Variants in USP32 observed in about 807,000 individuals in gnomAD.
The protein encoded by USP32 is ubiquitin specific peptidase 32.
A neutral mutation model predicts 204.8 loss-of-function variants in USP32; 59 were observed. The observed-to-expected ratio is 0.29, with a 90% confidence interval of 0.23 to 0.36. The LOEUF is 0.36. Ranked by LOEUF, USP32 falls within the 10% of genes least tolerant of loss-of-function variation. The probability of loss-of-function intolerance (pLI) is 1.00; values close to 1 mark genes in which losing one functional copy is unlikely to be tolerated. For synonymous variants in USP32, 517 were observed against 678.4 expected, an observed-to-expected ratio of 0.76 and a Z score of 3.70; for missense variants, 1,160 against 1,946.4, an observed-to-expected ratio of 0.60 and a Z score of 7.60.
In USP32 at chr17:60,223,532, T is replaced by C. The variant is rs757967352; in HGVS notation, c.1487A>G (p.Asn496Ser). ...GADVCFARQH[N>S]TSDNNNQCLL... Reference sequence around the variant, plus strand: ...ACACTGGTTGTTATTGTCAGAAGTGTTATGTTGTCGAGCAAAGCAAACATC... The same window carrying C: ...ACACTGGTTGTTATTGTCAGAAGTGCTATGTTGTCGAGCAAAGCAAACATC... The change falls in exon 14 of 34, where the codon AAC (asparagine) becomes AGC (serine). Residue 496 changes from asparagine (N) to serine (S), a missense_variant. Asn to Ser is a conservative substitution (Grantham distance 46). This residue lies in a region of USP32 where 536 missense variants were observed against 680.9 expected (regional missense o/e 0.79). Coordinates refer to ENST00000300896, the MANE Select transcript of USP32 (RefSeq NM_032582.4). 8.7e-6 allele frequency: 14 copies of C among 1,613,372 alleles called. No homozygotes were observed. The East Asian group carries it at 2.9e-4, about 33-fold the overall frequency.
chr17:60,385,013 T>C (rs1297960757), intron 1 of USP32, among the ~76,000 whole-genome samples: 2 of 152,198 alleles, frequency 1.3e-5, no homozygotes. Context: ...ACATCCCCTG[T>C]GACCTGCACA....
intron 11 of USP32, among the ~76,000 whole-genome samples, chr17:60,247,023 T>C (rs2086044824): frequency 6.6e-6 from 1 of 152,212 alleles, no homozygotes; most frequent in African/African-American, 2.4e-5. Flanking sequence ...GCTGTAAAGC[T>C]TTTTAACTTG....
In USP32 at chr17:60,223,315, A is replaced by G. The variant is rs192338767; in HGVS notation, c.1608+96T>C. The G allele has an allele frequency of 9.1e-4, 884 of 969,102 alleles. 7 individuals carry two copies. The highest frequency in any genetic ancestry group is 6.1e-5 in the Non-Finnish European group (39 of 637,942). The allele number at this position is 969,102 out of a possible 1,614,324, so 60.0% of individuals were successfully genotyped here. A position where few individuals can be genotyped will look rare whatever the true frequency, so the allele number is the denominator to read the frequency against. On this transcript the variant is annotated intron_variant, in intron 14 of 33. Transcript: ENST00000300896. ...CATCTATAATACAGTAATTAAATGA[A>G]CCATCAATGTTTTGCTATGTGCTAA...
intron 11 of USP32, among the ~76,000 whole-genome samples, 171 bp from the exon 12 acceptor site, chr17:60,236,411 A>G (rs958873514): frequency 4.6e-5 from 7 of 152,182 alleles, no homozygotes; most frequent in African/African-American, 1.2e-4. Flanking sequence ...TGATAAACCA[A>G]TTTCAAGAGT....
At chr17:60,277,843 T>C (rs917028676) in intron 5 of USP32, among the ~76,000 whole-genome samples, 66 of 151,904 alleles carry the variant, frequency 4.3e-4, no homozygotes, top group African/African-American at 1.5e-3. Context: ...ACAGAATAGA[T>C]ATATGTTTTC....
rs182030058 is a variant in USP32 at position 60,336,143 on chromosome 17, A to C, written c.186+9338T>G. Among the ~76,000 whole-genome samples the C allele has an allele frequency of 5.5e-4, 78 of 142,988 alleles. 17 individuals are homozygous for C. The highest frequency in any genetic ancestry group is 2.3e-3 in the African/African-American group (77 of 33,452). The allele number at this position is 142,988 out of a possible 152,430, so 93.8% of individuals were successfully genotyped here. A position where few individuals can be genotyped will look rare whatever the true frequency, so the allele number is the denominator to read the frequency against. On this transcript the variant is annotated intron_variant, in intron 2 of 33. Transcript: ENST00000300896. ...CTGGCATACCACTTAGAACATCCAT[A>C]ATCTATGTAATGTTCTTGATGTAAA...
intron 2 of USP32, among the ~76,000 whole-genome samples, chr17:60,327,435 G>T (rs1334910438): frequency 1.3e-5 from 2 of 152,070 alleles, no homozygotes; most frequent in African/African-American, 4.8e-5. Flanking sequence ...GCGGAGCTGG[G>T]CCTGGGGCGG....
intron 4 of USP32, among the ~76,000 whole-genome samples, chr17:60,294,361 C>T (rs2087369462): frequency 6.7e-6 from 1 of 149,258 alleles, no homozygotes; most frequent in Non-Finnish European, 1.5e-5. Flanking sequence ...ACAACATGAG[C>T]ACTGTTTCAG....
At chr17:60,407,433 G>A (rs892211816) in intron 1 of USP32, among the ~76,000 whole-genome samples, 2 of 152,144 alleles carry the variant, frequency 1.3e-5, no homozygotes, top group Non-Finnish European at 2.9e-5. Context: ...AGGAGAGACT[G>A]CAGCAGAGGT....
At chr17:60,347,351 A>ATT (rs372941030) in intron 1 of USP32, among the ~76,000 whole-genome samples, 21 of 131,218 alleles carry the variant, frequency 1.6e-4, no homozygotes, top group Middle Eastern at 3.7e-3. Flanking sequence ...CACCTGGCTC[A>ATT]TTTTTTTTTT....
intron 2 of USP32, among the ~76,000 whole-genome samples, chr17:60,341,792 A>G (rs2088664455): frequency 6.6e-6 from 1 of 152,150 alleles, no homozygotes; most frequent in Admixed American, 6.5e-5. Flanking sequence ...TATTCTAGTT[A>G]GCCATTCGTC....
rs188202890 is a variant in USP32, at chr17:60,381,488, C to T, written c.58+10394G>A. ...TATCTGTCCCTTGGACTATTTGCCT[C>T]CTACTCCTCCAATTCATTCTTTGTA... On this transcript the variant is annotated intron_variant, in intron 1 of 33. Coordinates refer to ENST00000300896, the MANE Select transcript of USP32 (RefSeq NM_032582.4). Among the ~76,000 whole-genome samples, 3 of 152,072 alleles carry T rather than the reference C, an allele frequency of 2.0e-5. No homozygotes were observed. In the East Asian group the frequency reaches 5.8e-4, roughly 29 times the overall value.
chr17:60,360,703 T>C (rs2089188858), intron 1 of USP32, among the ~76,000 whole-genome samples: 1 of 151,478 alleles, frequency 6.6e-6, no homozygotes, highest in Admixed American at 6.6e-5. Context: ...AAACTAAAAC[T>C]ATACAAAATA....
At chr17:60,395,743 A>C (rs2089896153), upstream of USP32, among the ~76,000 whole-genome samples, 1 of 152,230 alleles carries the variant, frequency 6.6e-6, no homozygotes, top group South Asian at 2.1e-4. Flanking sequence ...TTTAAAGCAC[A>C]GGAGATTGGC....
intron 10 of USP32, among the ~76,000 whole-genome samples, chr17:60,253,126 C>T (rs1316603353): frequency 2.0e-5 from 3 of 151,196 alleles, no homozygotes; most frequent in Admixed American, 2.0e-4. Flanking sequence ...AAAAATAGTG[C>T]CACTCCAAGT....
intron 2 of USP32, among the ~76,000 whole-genome samples, chr17:60,326,350 G>A (rs906561142): frequency 3.9e-4 from 58 of 149,726 alleles, no homozygotes; most frequent in Middle Eastern, 6.8e-3. Context: ...CGCTCTCGTC[G>A]CCCCGGCTCG....
chr17:60,341,458 C>T (rs2145992935), intron 2 of USP32, among the ~76,000 whole-genome samples: 1 of 151,890 alleles, frequency 6.6e-6, no homozygotes, highest in South Asian at 2.1e-4. Context: ...ATATGAAATT[C>T]CGGGTTGAAA....
At chr17:60,251,443 T>C (rs904757994) in intron 11 of USP32, among the ~76,000 whole-genome samples, 12 of 152,182 alleles carry the variant, frequency 7.9e-5, no homozygotes, top group African/African-American at 2.9e-4. Context: ...TTTAGTAAAC[T>C]CCCATCTATC....
intron 9 of USP32, 40 bp from the exon 10 acceptor site, chr17:60,255,298 C>CT (rs747340163): frequency 0.12 from 132,437 of 1,085,314 alleles, 139 homozygotes; most frequent in Non-Finnish European, 0.13. Flanking sequence ...TCTTTTTTTT[C>CT]TTTTTTTTTT....
Sources: gnomAD v4.1 joint callset for allele counts (sites outside exome capture counted in the v4.1 genomes callset) on GRCh38, gnomAD v4.1.1 for gene constraint, gnomAD v4.1.1 regional missense constraint, MANE v1.5 for transcripts, NCBI Gene and HGNC (gene_info 2026-07-23, HGNC 2026-07-21) for gene names.